DNAH7: variants seen among roughly 807,000 people sequenced by gnomAD.
The protein encoded by DNAH7 is axonemal beta dynein heavy chain 7.
In DNAH7, 397 loss-of-function variants were observed where a neutral mutation model predicts 444.6. That is an observed-to-expected ratio of 0.89 (90% CI 0.82 to 0.97). The LOEUF (loss-of-function observed/expected upper bound fraction) is 0.97. Ranked by LOEUF, DNAH7 falls within the 50% of genes least tolerant of loss-of-function variation. DNAH7 has a pLI of 0.00. For missense variants in DNAH7, 4,902 were observed against 4,800.8 expected, an observed-to-expected ratio of 1.02 and a Z score of -0.62; for synonymous variants, 1,636 against 1,624.4, an observed-to-expected ratio of 1.01 and a Z score of -0.17.
At chr2:196,008,891 T>C (rs1694548334) in intron 10 of DNAH7, among the ~76,000 whole-genome samples, 1 of 151,876 alleles carries the variant, frequency 6.6e-6, no homozygotes, top group African/African-American at 2.4e-5. Context: ...AGAAAAGAGG[T>C]TTAATTGGCT....
intron 34 of DNAH7, among the ~76,000 whole-genome samples, chr2:195,885,517 C>A (rs1701652360): frequency 2.0e-5 from 3 of 151,872 alleles, no homozygotes; most frequent in African/African-American, 7.3e-5. Flanking sequence ...AACCATTTAA[C>A]ACTAAATTAA....
In DNAH7 at chr2:195,936,078, A is replaced by G. The variant is rs114417027; in HGVS notation, c.3272+521T>C. Among the ~76,000 whole-genome samples the G allele has an allele frequency of 7.8e-3, 1,180 of 152,254 alleles. 8 individuals are homozygous for G. Among genetic ancestry groups the G allele is most frequent in the Non-Finnish European group, 0.013 (857 of 68,002 alleles). ...TTCTGAAAAATCTGTAAGATGTGAT[A>G]AGTTAAGAAATCTGGCCAGGCACGG... On this transcript the variant is annotated intron_variant, in intron 20 of 64. Coordinates refer to ENST00000312428, the MANE Select transcript of DNAH7 (RefSeq NM_018897.3).
At chr2:195,867,004 T>C (rs1700380963) in intron 40 of DNAH7, among the ~76,000 whole-genome samples, 1 of 152,230 alleles carries the variant, frequency 6.6e-6, no homozygotes, top group Non-Finnish European at 1.5e-5. Flanking sequence ...CCTTCCACCA[T>C]GATTGTGAGG....
intron 2 of DNAH7, among the ~76,000 whole-genome samples, chr2:196,054,592 C>T (rs905433023): frequency 6.6e-5 from 10 of 152,112 alleles, no homozygotes; most frequent in African/African-American, 2.4e-4. Flanking sequence ...TAACCCCTCA[C>T]CCCACCCCAC....
intron 15 of DNAH7, among the ~76,000 whole-genome samples, chr2:195,981,161 A>G (rs1191527249): frequency 6.6e-6 from 1 of 152,194 alleles, no homozygotes; most frequent in Non-Finnish European, 1.5e-5. Flanking sequence ...AAAGTTACAT[A>G]CAGAAACCAG....
chr2:195,811,063 T>C lies in DNAH7; in HGVS notation c.9762-1192A>G, dbSNP rs1303672865. On this transcript the variant is annotated intron_variant, in intron 51 of 64. Transcript: ENST00000312428. Reference sequence around the variant, plus strand: ...GTTCAGGTTCAATCACTAGTAAAAATGGACATATAATATGATATGTTAATA... The same window carrying C: ...GTTCAGGTTCAATCACTAGTAAAAACGGACATATAATATGATATGTTAATA... Among the ~76,000 whole-genome samples, 7 of 152,284 alleles carry C rather than the reference T, an allele frequency of 4.6e-5. No individual in the cohort carries two copies. The East Asian group carries it at 1.4e-3, about 29-fold the overall frequency.
At chr2:195,835,294 A>G (rs1239694985) in intron 47 of DNAH7, among the ~76,000 whole-genome samples, 1 of 152,048 alleles carries the variant, frequency 6.6e-6, no homozygotes, top group Admixed American at 6.6e-5. Context: ...ATTAAGTAAA[A>G]AAAAACCCAC....
intron 27 of DNAH7, 109 bp from the exon 28 acceptor site, chr2:195,900,603 A>G (rs1429791170): frequency 2.9e-6 from 3 of 1,029,300 alleles, no homozygotes; most frequent in Non-Finnish European, 4.3e-6. Flanking sequence ...AAAAAAGTTT[A>G]TCTCATAGAA....
chr2:196,067,428 A>G (rs1431836793), intron 1 of DNAH7, among the ~76,000 whole-genome samples: 3 of 150,074 alleles, frequency 2.0e-5, no homozygotes, highest in African/African-American at 7.3e-5. Flanking sequence ...CTATTAAACA[A>G]TTGCTCAGTG....
chr2:195,805,167 C>A (rs1490924111), intron 54 of DNAH7, among the ~76,000 whole-genome samples: 2 of 152,010 alleles, frequency 1.3e-5, no homozygotes, highest in Non-Finnish European at 2.9e-5. Context: ...AAACATTGAA[C>A]TGGGGGAAAA....
chr2:195,984,493 G>A (rs1028515568), intron 15 of DNAH7, 139 bp downstream of exon 15: 28 of 785,592 alleles, frequency 3.6e-5, no homozygotes, highest in African/African-American at 3.1e-4. Flanking sequence ...GACTACAGGC[G>A]CATGCCACCA....
intron 2 of DNAH7, 104 bp downstream of exon 2, chr2:196,057,950 T>C (rs2125884417): frequency 1.1e-6 from 1 of 934,588 alleles, no homozygotes; most frequent in Non-Finnish European, 1.5e-6. Context: ...TAAAATTGTA[T>C]AAAATTTAAA....
chr2:195,928,876 G>A (rs931685637), intron 21 of DNAH7, among the ~76,000 whole-genome samples: 11 of 151,968 alleles, frequency 7.2e-5, no homozygotes, highest in South Asian at 4.2e-4. Context: ...TAGACAGAGC[G>A]ATCAGGCAAG....
In DNAH7 at chr2:196,056,419, G is replaced by GAA. The variant is rs57708138; in HGVS notation, c.78+1633_78+1634dup. On this transcript the variant is annotated intron_variant, in intron 2 of 64. Transcript: ENST00000312428. ...AAGATCATGCCACTGCACTCTGTCTGAAAAAAAAAAAAAAAAGAAAAAAGA... is the reference window on the plus strand; with the variant it reads ...AAGATCATGCCACTGCACTCTGTCTGAAAAAAAAAAAAAAAAAAGAAAAAAGA... 0.021 allele frequency among the ~76,000 whole-genome samples: 2,380 copies of GAA among 115,282 alleles called. 185 individuals carry two copies. The East Asian group carries it at 0.27, about 13-fold the overall frequency. 75.6% of individuals were successfully genotyped at this position (115,282 alleles called of 152,430 possible).
chr2:195,954,385 C>G (rs1008936494), intron 19 of DNAH7, among the ~76,000 whole-genome samples: 8 of 152,198 alleles, frequency 5.3e-5, no homozygotes, highest in Non-Finnish European at 1.0e-4. Flanking sequence ...GCATAGTATT[C>G]CATTGTGTAT....
intron 15 of DNAH7, among the ~76,000 whole-genome samples, chr2:195,978,266 T>C (rs888059600): frequency 5.3e-5 from 8 of 152,044 alleles, no homozygotes; most frequent in Non-Finnish European, 1.2e-4. Context: ...AGTCAAAACA[T>C]AAGATTTTTA....
intron 19 of DNAH7, among the ~76,000 whole-genome samples, chr2:195,940,170 C>A (rs1253174450): frequency 6.6e-6 from 1 of 152,134 alleles, no homozygotes; most frequent in African/African-American, 2.4e-5. Flanking sequence ...GGTACCAAAA[C>A]AGATATATAG....
intron 42 of DNAH7, among the ~76,000 whole-genome samples, chr2:195,860,452 C>T (rs970922793): frequency 1.3e-5 from 2 of 151,930 alleles, no homozygotes; most frequent in African/African-American, 4.8e-5. Flanking sequence ...TCCAGCCAAG[C>T]TATGCAGCAG....
intron 7 of DNAH7, among the ~76,000 whole-genome samples, chr2:196,025,110 GC>G (rs1336686861): frequency 7.2e-5 from 11 of 152,252 alleles, no homozygotes; most frequent in African/African-American, 2.6e-4. Flanking sequence ...CAAATACTAT[GC>G]CATTTTATAT....
Sources: allele counts gnomAD v4.1 joint callset (sites outside exome capture counted in the v4.1 genomes callset), GRCh38; gene constraint gnomAD v4.1.1; transcripts MANE v1.5; gene names NCBI Gene and HGNC (gene_info 2026-07-23, HGNC 2026-07-21).